Variants in TRAPPC3L observed in about 807,000 individuals in gnomAD.
The protein encoded by TRAPPC3L is trafficking protein particle complex subunit 3-like protein.
TRAPPC3L carries 23 observed loss-of-function variants against 23.7 expected under a neutral mutation model. That is an observed-to-expected ratio of 0.97 (90% CI 0.70 to 1.37). The LOEUF is 1.37. TRAPPC3L is among the 40% of genes most tolerant of loss of function. The pLI is 0.00. For synonymous variants in TRAPPC3L, 81 were observed against 77.9 expected (o/e 1.04, Z -0.21); for missense variants, 212 against 216.8 (o/e 0.98, Z 0.14).
chr6:116,541,043 A>G (rs1219975929), intron 2 of TRAPPC3L, among the ~76,000 whole-genome samples: 1 of 152,166 alleles, frequency 6.6e-6, no homozygotes, highest in African/African-American at 2.4e-5. Context: ...CTCATTTTTC[A>G]TTCCAGGGAA....
intron 3 of TRAPPC3L, among the ~76,000 whole-genome samples, chr6:116,535,935 T>C (rs888861247): frequency 6.6e-5 from 10 of 152,168 alleles, no homozygotes; most frequent in African/African-American, 9.7e-5. Context: ...ATGGGGCTAA[T>C]GATAGATGAT....
In TRAPPC3L at chr6:116,543,299, T is replaced by G; in HGVS notation, c.140+4A>C. On this transcript the variant is annotated splice_donor_region_variant and intron_variant, in intron 2 of 4. Transcript: ENST00000368602. ...TTCAATAAGAATGAAGGACTTCCAC[T>G]TACATTTTATCTAAATATTGGTTCA... is the stretch of plus-strand genomic sequence containing the variant. The G allele has an allele frequency of 6.5e-7, 1 of 1,544,912 alleles. No individual in the cohort carries two copies. Among genetic ancestry groups the G allele is most frequent in the South Asian group, 1.2e-5 (1 of 83,222 alleles).
chr6:116,500,548 G>A lies in TRAPPC3L; in HGVS notation c.359C>T (p.Pro120Leu), dbSNP rs1287519179. The A allele has an allele frequency of 1.3e-6, 2 of 1,551,676 alleles. No individual in the cohort carries two copies. The highest frequency in any genetic ancestry group is 1.4e-5 in the African/African-American group (1 of 73,170). The change falls in exon 4 of 5, where the codon CCT becomes CTT. Residue 120 changes from proline to leucine, a missense_variant. By Grantham distance (98) the Pro-to-Leu change is moderately conservative. Coordinates refer to ENST00000368602, the MANE Select transcript of TRAPPC3L (RefSeq NM_001139444.3). ...NPLVEFVEEL[P>L]AGRSSLCYCN... ...GTAGCACAGAGAAGATCGCCCAGCA[G>A]GGAGCTCTTCCACAAACTCCACCAG...
chr6:116,530,931 A>ATATATG (rs1554235966), intron 3 of TRAPPC3L, among the ~76,000 whole-genome samples: 1 of 143,738 alleles, frequency 7.0e-6, no homozygotes, highest in East Asian at 2.0e-4. Flanking sequence ...ATATATATAT[A>ATATATG]TATATATATA....
At chr6:116,542,332 A>T (rs1056882999) in intron 2 of TRAPPC3L, among the ~76,000 whole-genome samples, 8 of 152,076 alleles carry the variant, frequency 5.3e-5, no homozygotes, top group African/African-American at 1.9e-4. Context: ...ATAAATTATA[A>T]TTTTTTTAAA....
chr6:116,499,002 G>A (rs1035660255), intron 4 of TRAPPC3L, among the ~76,000 whole-genome samples: 1 of 152,078 alleles, frequency 6.6e-6, no homozygotes, highest in African/African-American at 2.4e-5. Flanking sequence ...TCCAGACAGG[G>A]ATAAACAACT....
chr6:116,541,833 G>T (rs1773482367), intron 2 of TRAPPC3L, among the ~76,000 whole-genome samples: 1 of 152,114 alleles, frequency 6.6e-6, no homozygotes. Context: ...TACACATATT[G>T]CTTTGGTCAA....
chr6:116,499,167 GA>G (rs1334303336), intron 4 of TRAPPC3L, among the ~76,000 whole-genome samples: 1 of 152,206 alleles, frequency 6.6e-6, no homozygotes, highest in Non-Finnish European at 1.5e-5. Context: ...AGGTTTCTCA[GA>G]AACTTACAAA....
chr6:116,496,417 A>C lies in TRAPPC3L; in HGVS notation c.*537T>G, dbSNP rs1287939534. 1 of 152,214 alleles carries C rather than the reference A, an allele frequency of 6.6e-6. No individual in the cohort carries two copies. Among genetic ancestry groups the C allele is most frequent in the East Asian group, 1.9e-4 (1 of 5,198 alleles). 9.4% of individuals were successfully genotyped at this position (152,214 alleles called of 1,614,324 possible). A position where few individuals can be genotyped will look rare whatever the true frequency, so the allele number is the denominator to read the frequency against. On this transcript the variant is annotated 3_prime_UTR_variant, in exon 5 of 5. Coordinates refer to ENST00000368602, the MANE Select transcript of TRAPPC3L (RefSeq NM_001139444.3). ...AAATAGCTTGACTTGGTGATTACAA[A>C]TCAAGGGTAGCGTCAGAAGGCTAAA...
At chr6:116,502,365 T>C (rs953834206) in intron 3 of TRAPPC3L, among the ~76,000 whole-genome samples, 2 of 152,130 alleles carry the variant, frequency 1.3e-5, no homozygotes, top group African/African-American at 4.8e-5. Context: ...CCAAGAAATA[T>C]GGGACTATGT....
chr6:116,538,734 CTTTT>C (rs531255700), intron 3 of TRAPPC3L, among the ~76,000 whole-genome samples: 2 of 141,146 alleles, frequency 1.4e-5, no homozygotes, highest in South Asian at 2.2e-4. Flanking sequence ...ATCTTTCTTT[CTTTT>C]TTTTTTTTTT....
chr6:116,508,386 G>T (rs1158757182), intron 3 of TRAPPC3L, among the ~76,000 whole-genome samples: 2 of 152,168 alleles, frequency 1.3e-5, no homozygotes, highest in African/African-American at 4.8e-5. Context: ...CCATGATGGG[G>T]TTCAGGGAAT....
At chr6:116,504,444 C>A (rs555390528) in intron 3 of TRAPPC3L, among the ~76,000 whole-genome samples, 1 of 152,260 alleles carries the variant, frequency 6.6e-6, no homozygotes, top group South Asian at 2.1e-4. Context: ...CCAAATTCTA[C>A]CAAGAGGTAC....
At chr6:116,501,105 C>T (rs1771905693) in intron 3 of TRAPPC3L, among the ~76,000 whole-genome samples, 1 of 152,170 alleles carries the variant, frequency 6.6e-6, no homozygotes, top group Non-Finnish European at 1.5e-5. Context: ...CCATGAGTAA[C>T]TGTACTTGGA....
chr6:116,501,369 A>C (rs1196553687), intron 3 of TRAPPC3L, among the ~76,000 whole-genome samples: 1 of 152,172 alleles, frequency 6.6e-6, no homozygotes, highest in African/African-American at 2.4e-5. Context: ...GGGAAGATTG[A>C]ACTGGGTGGA....
At chr6:116,499,595 T>C (rs941601035) in intron 4 of TRAPPC3L, among the ~76,000 whole-genome samples, 3 of 152,234 alleles carry the variant, frequency 2.0e-5, no homozygotes, top group African/African-American at 7.2e-5. Context: ...AATTTATATG[T>C]CAGTCATACT....
chr6:116,516,708 T>TATACAC (rs1198977627), intron 3 of TRAPPC3L: 3 of 119,644 alleles, frequency 2.5e-5, no homozygotes, highest in Non-Finnish European at 5.1e-5. Flanking sequence ...TATATATATA[T>TATACAC]ACACACACAC....
intron 3 of TRAPPC3L, among the ~76,000 whole-genome samples, chr6:116,535,740 A>G (rs1458320302): frequency 6.6e-6 from 1 of 152,224 alleles, no homozygotes; most frequent in African/African-American, 2.4e-5. Context: ...TTTCATTTAG[A>G]CCAACTGCAA....
intron 4 of TRAPPC3L, among the ~76,000 whole-genome samples, chr6:116,497,299 G>A (rs1421969203): frequency 2.0e-5 from 3 of 152,178 alleles, no homozygotes; most frequent in Admixed American, 2.0e-4. Flanking sequence ...GGCCAACTAG[G>A]ATGACTGGGA....
Sources: allele counts gnomAD v4.1 joint callset (sites outside exome capture counted in the v4.1 genomes callset), GRCh38; gene constraint gnomAD v4.1.1; transcripts MANE v1.5; gene names NCBI Gene and HGNC (gene_info 2026-07-23, HGNC 2026-07-21).